The following SAMD5 variants were observed in gnomAD, a reference collection of about 807,000 sequenced individuals.
SAMD5 encodes the protein sterile alpha motif domain-containing protein 5.
A neutral mutation model predicts 11.3 loss-of-function variants in SAMD5; 13 were observed. That is an observed-to-expected ratio of 1.15 (90% confidence interval 0.75 to 1.83). The LOEUF (loss-of-function observed/expected upper bound fraction) is 1.83. Among genes scored for constraint, SAMD5 ranks in the 40% most tolerant of loss-of-function variants. SAMD5 has a pLI of 0.00. For missense variants in SAMD5, 255 were observed against 239.1 expected, an observed-to-expected ratio of 1.07 and a Z score of -0.44; for synonymous variants, 129 against 111.3, an observed-to-expected ratio of 1.16 and a Z score of -1.00.
the SAMD5 span, among the ~76,000 whole-genome samples, chr6:147,762,726 A>T: frequency 6.1e-3 from 923 of 152,342 alleles, 4 homozygotes; most frequent in Middle Eastern, 0.037. Flanking sequence ...AACCCGAAGT[A>T]GAGCTTAGGT....
chr6:147,553,834 G>GT (rs962856892), intron 1 of SAMD5, among the ~76,000 whole-genome samples: 44 of 149,688 alleles, frequency 2.9e-4, no homozygotes, highest in Admixed American at 4.0e-4. Context: ...ATCACAGCAT[G>GT]TTTTTTTTTT....
At chr6:147,513,222 C>T (rs1425763312) in intron 1 of SAMD5, among the ~76,000 whole-genome samples, 3 of 152,140 alleles carry the variant, frequency 2.0e-5, no homozygotes, top group African/African-American at 4.8e-5. Flanking sequence ...ATCTTGTGAG[C>T]AGAAGAGAGC....
intron 1 of SAMD5, among the ~76,000 whole-genome samples, chr6:147,530,269 G>A (rs2128441028): frequency 6.6e-6 from 1 of 152,362 alleles, no homozygotes; most frequent in South Asian, 2.1e-4. Flanking sequence ...CATTGATACT[G>A]GAGGAGAAAT....
chr6:147,741,200 G>C (rs973909447), downstream of SAMD5, among the ~76,000 whole-genome samples: 6 of 152,050 alleles, frequency 3.9e-5, 2 homozygotes, highest in South Asian at 1.2e-3. Context: ...CAAACCAGGG[G>C]TTTGAGAAAC....
the SAMD5 span, among the ~76,000 whole-genome samples, chr6:147,745,683 C>G: frequency 6.6e-6 from 1 of 152,114 alleles, no homozygotes; most frequent in Admixed American, 6.6e-5. Context: ...TAATTACACC[C>G]ATCTTGTGTC....
chr6:147,521,956 C>T (rs1211118802), intron 1 of SAMD5, among the ~76,000 whole-genome samples: 3 of 152,174 alleles, frequency 2.0e-5, no homozygotes, highest in South Asian at 4.1e-4. Context: ...AGAAAGCAAA[C>T]CTTCTTTTGT....
intron 1 of SAMD5, among the ~76,000 whole-genome samples, chr6:147,555,801 C>T (rs527400122): frequency 2.0e-5 from 3 of 152,160 alleles, no homozygotes; most frequent in African/African-American, 4.8e-5. Flanking sequence ...AAGAAACCGC[C>T]GCTTGTCAAG....
the SAMD5 span, among the ~76,000 whole-genome samples, chr6:147,829,970 G>A: frequency 6.6e-6 from 1 of 152,124 alleles, no homozygotes; most frequent in South Asian, 2.1e-4. Flanking sequence ...TAGGTAATGG[G>A]ACACCATTGA....
the SAMD5 span, among the ~76,000 whole-genome samples, chr6:147,940,989 A>T: frequency 6.6e-6 from 1 of 152,266 alleles, no homozygotes; most frequent in East Asian, 1.9e-4. Flanking sequence ...TGGTTAATTC[A>T]ATTATGCCAT....
the SAMD5 span, among the ~76,000 whole-genome samples, chr6:147,841,085 C>T: frequency 6.6e-6 from 1 of 152,152 alleles, no homozygotes; most frequent in Admixed American, 6.5e-5. Flanking sequence ...TTCTAGGGTG[C>T]ACATATAGCT....
At chr6:147,713,193 A>C (rs1042961110) in intron 1 of SAMD5, among the ~76,000 whole-genome samples, 10 of 152,230 alleles carry the variant, frequency 6.6e-5, no homozygotes, top group African/African-American at 4.8e-5. Context: ...AGAACTCACA[A>C]GCTTTCCTGA....
chr6:147,636,431 C>T (rs918383805), intron 1 of SAMD5, among the ~76,000 whole-genome samples: 3 of 152,306 alleles, frequency 2.0e-5, no homozygotes, highest in South Asian at 2.1e-4. Context: ...AAATTAGAAT[C>T]TCTCCCAGTA....
chr6:147,912,901 A>G, the SAMD5 span, among the ~76,000 whole-genome samples: 2 of 152,176 alleles, frequency 1.3e-5, no homozygotes, highest in African/African-American at 2.4e-5. Flanking sequence ...TTTACAAAAA[A>G]AAAAAATCAA....
At chr6:147,935,539 C>G in the SAMD5 span, among the ~76,000 whole-genome samples, 1 of 152,116 alleles carries the variant, frequency 6.6e-6, no homozygotes, top group Admixed American at 6.6e-5. Context: ...TAACATCATA[C>G]GAATTGGCCT....
the SAMD5 span, among the ~76,000 whole-genome samples, chr6:147,856,167 T>C: frequency 6.6e-6 from 1 of 152,188 alleles, no homozygotes; most frequent in Non-Finnish European, 1.5e-5. Context: ...GGAAAAAGTC[T>C]ATAACACAAA....
At chr6:147,835,869 C>T in the SAMD5 span, among the ~76,000 whole-genome samples, 4 of 152,170 alleles carry the variant, frequency 2.6e-5, no homozygotes, top group East Asian at 1.9e-4. Flanking sequence ...GATTTTCCTT[C>T]GTGACTGAGG....
intron 1 of SAMD5, among the ~76,000 whole-genome samples, chr6:147,639,571 C>T (rs150687456): frequency 0.014 from 2,141 of 152,306 alleles, 20 homozygotes; most frequent in Middle Eastern, 0.027. Context: ...CCATCCTCCC[C>T]TGTCCCAGCA....
the SAMD5 span, among the ~76,000 whole-genome samples, chr6:147,867,835 T>C: frequency 2.0e-5 from 3 of 152,152 alleles, no homozygotes; most frequent in Non-Finnish European, 4.4e-5. Context: ...AAAAAATTGG[T>C]GGCTGAATAT....
chr6:147,684,874 A>G (rs905178670), intron 1 of SAMD5, among the ~76,000 whole-genome samples: 3 of 152,226 alleles, frequency 2.0e-5, no homozygotes, highest in Admixed American at 1.3e-4. Flanking sequence ...TTAAAAAAAT[A>G]ACTTCTCATA....
Sources: gnomAD v4.1 joint callset for allele counts (sites outside exome capture counted in the v4.1 genomes callset) on GRCh38, gnomAD v4.1.1 for gene constraint, MANE v1.5 for transcripts, NCBI Gene and HGNC (gene_info 2026-07-23, HGNC 2026-07-21) for gene names.